MLLT3: variants seen among roughly 807,000 people sequenced by gnomAD.
MLLT3 encodes MLLT3 super elongation complex subunit, also known as protein AF-9.
A neutral mutation model predicts 53.2 loss-of-function variants in MLLT3; 4 were observed. The observed-to-expected ratio is 0.08, with a 90% CI of 0.04 to 0.17. The LOEUF is 0.17. Among genes scored for constraint, MLLT3 ranks in the 10% least tolerant of loss-of-function variants. The probability of loss-of-function intolerance (pLI) is 1.00; values close to 1 mark genes in which losing one functional copy is unlikely to be tolerated. For missense variants in MLLT3, 569 were observed against 684.0 expected (o/e 0.83, Z 1.87); for synonymous variants, 283 against 230.6 (o/e 1.23, Z -2.06).
chr9:20,582,590 T>C (rs4560880), intron 2 of MLLT3, among the ~76,000 whole-genome samples: 63,681 of 152,016 alleles, frequency 0.42, 13,828 homozygotes, highest in Middle Eastern at 0.5. Flanking sequence ...TTCATGCTGC[T>C]GGGAAGAAAA....
chr9:20,464,509 C>T (rs1824188069), intron 2 of MLLT3, among the ~76,000 whole-genome samples: 2 of 152,066 alleles, frequency 1.3e-5, no homozygotes, highest in Non-Finnish European at 2.9e-5. Context: ...TGAGAAAGTA[C>T]TGAGTGACAA....
chr9:20,598,293 CA>C (rs1327398583), intron 2 of MLLT3, among the ~76,000 whole-genome samples: 1 of 152,124 alleles, frequency 6.6e-6, no homozygotes, highest in South Asian at 2.1e-4. Context: ...TTTATGTTCC[CA>C]AAAAACTCCG....
chr9:20,512,609 T>C (rs73648226), intron 2 of MLLT3, among the ~76,000 whole-genome samples: 1,647 of 152,332 alleles, frequency 0.011, 23 homozygotes, highest in African/African-American at 0.036. Flanking sequence ...CTAAGTTTAA[T>C]AGTTAAAAAT....
At chr9:20,401,224 T>C (rs1006477668) in intron 5 of MLLT3, among the ~76,000 whole-genome samples, 6 of 152,208 alleles carry the variant, frequency 3.9e-5, no homozygotes, top group Admixed American at 1.3e-4. Context: ...ATCTTAAGCA[T>C]TGTATTATCC....
At chr9:20,584,960 G>A (rs1201306775) in intron 2 of MLLT3, among the ~76,000 whole-genome samples, 1 of 152,184 alleles carries the variant, frequency 6.6e-6, no homozygotes, top group East Asian at 1.9e-4. Flanking sequence ...AAATAAAGCT[G>A]TTATAAACAT....
intron 2 of MLLT3, among the ~76,000 whole-genome samples, chr9:20,498,935 G>C (rs1172218309): frequency 3.9e-5 from 6 of 152,090 alleles, no homozygotes; most frequent in Non-Finnish European, 7.4e-5. Flanking sequence ...CCACAAATAG[G>C]GTGGCTTGAA....
At chr9:20,606,814 C>T (rs1299104599) in intron 2 of MLLT3, among the ~76,000 whole-genome samples, 2 of 152,246 alleles carry the variant, frequency 1.3e-5, no homozygotes, top group African/African-American at 2.4e-5. Flanking sequence ...GAAAGCCCCA[C>T]GTTTGCTGGC....
intron 2 of MLLT3, among the ~76,000 whole-genome samples, chr9:20,478,381 C>A (rs965591835): frequency 5.3e-5 from 8 of 152,212 alleles, no homozygotes; most frequent in East Asian, 1.9e-4. Flanking sequence ...CCCTCAGTGA[C>A]TAAAACAATA....
chr9:20,615,893 A>G (rs1020172839), intron 2 of MLLT3, among the ~76,000 whole-genome samples: 1 of 146,614 alleles, frequency 6.8e-6, no homozygotes, highest in Admixed American at 6.8e-5. Flanking sequence ...AAAAAAAAAG[A>G]AAAGAAAAGT....
At chr9:20,584,325 A>T (rs1819890273) in intron 2 of MLLT3, among the ~76,000 whole-genome samples, 1 of 152,196 alleles carries the variant, frequency 6.6e-6, no homozygotes, top group Non-Finnish European at 1.5e-5. Context: ...AAACTTACCC[A>T]CATTTTCCTA....
At chr9:20,479,197 GGTTT>G (rs774413776) in intron 2 of MLLT3, among the ~76,000 whole-genome samples, 8 of 152,038 alleles carry the variant, frequency 5.3e-5, no homozygotes, top group Non-Finnish European at 1.0e-4. Flanking sequence ...CCTGCTGGCT[GGTTT>G]GTTTTTGTTT....
chr9:20,591,195 G>A (rs1820120123), intron 2 of MLLT3, among the ~76,000 whole-genome samples: 1 of 152,104 alleles, frequency 6.6e-6, no homozygotes, highest in African/African-American at 2.4e-5. Context: ...AATTTATTTA[G>A]TATGTTTTTT....
intron 2 of MLLT3, among the ~76,000 whole-genome samples, chr9:20,469,701 G>T: frequency 6.8e-6 from 1 of 147,936 alleles, no homozygotes. Context: ...ACTAGCTAGT[G>T]TTCACTAATT....
intron 2 of MLLT3, among the ~76,000 whole-genome samples, chr9:20,500,248 G>A (rs1030648505): frequency 8.5e-5 from 13 of 152,156 alleles, no homozygotes; most frequent in Admixed American, 7.9e-4. Flanking sequence ...TAATACAGTT[G>A]GTCTTCTCAG....
chr9:20,408,123 T>A (rs1016650601), intron 5 of MLLT3, among the ~76,000 whole-genome samples: 5 of 152,166 alleles, frequency 3.3e-5, no homozygotes, highest in African/African-American at 9.7e-5. Context: ...CAATTGTTGA[T>A]GACAACCAGC....
chr9:20,420,921 C>T (rs1158680037), intron 4 of MLLT3, among the ~76,000 whole-genome samples: 2 of 152,078 alleles, frequency 1.3e-5, no homozygotes, highest in African/African-American at 4.8e-5. Context: ...TTAAAACACC[C>T]CTTTTAAAAT....
chr9:20,542,792 C>T (rs1440514846), intron 2 of MLLT3, among the ~76,000 whole-genome samples: 1 of 152,180 alleles, frequency 6.6e-6, no homozygotes, highest in Non-Finnish European at 1.5e-5. Flanking sequence ...GCATTGACTC[C>T]TCATCCTGGA....
At chr9:20,355,592 ATTTC>A (rs1358858866) in intron 8 of MLLT3, among the ~76,000 whole-genome samples, 6 of 152,186 alleles carry the variant, frequency 3.9e-5, no homozygotes, top group Non-Finnish European at 7.4e-5. Flanking sequence ...AATGCAGCTG[ATTTC>A]TTTGACAGCA....
intron 5 of MLLT3, among the ~76,000 whole-genome samples, chr9:20,390,565 C>T (rs1459888262): frequency 6.6e-6 from 1 of 152,162 alleles, no homozygotes; most frequent in Non-Finnish European, 1.5e-5. Flanking sequence ...GATATGATTC[C>T]TGACCTTAGA....
Sources: gnomAD v4.1 joint callset for allele counts (sites outside exome capture counted in the v4.1 genomes callset) on GRCh38, gnomAD v4.1.1 for gene constraint, MANE v1.5 for transcripts, NCBI Gene and HGNC (gene_info 2026-07-23, HGNC 2026-07-21) for gene names.